The following DNER variants were observed in gnomAD, a reference collection of about 807,000 sequenced individuals.
DNER encodes the protein delta/notch like EGF repeat containing.
In DNER, 33 loss-of-function variants were observed where a neutral mutation model predicts 78.2. That is an observed-to-expected ratio of 0.42 (90% CI 0.32 to 0.56). The LOEUF (loss-of-function observed/expected upper bound fraction) is 0.56. DNER is among the 20% of genes least tolerant of loss of function. The probability of loss-of-function intolerance (pLI) is 0.11; values close to 1 mark genes in which losing one functional copy is unlikely to be tolerated. For synonymous variants in DNER, 417 were observed against 384.8 expected (o/e 1.08, Z -0.98); for missense variants, 918 against 975.3 (o/e 0.94, Z 0.78).
intron 1 of DNER, among the ~76,000 whole-genome samples, chr2:229,666,536 T>C (rs182535212): frequency 1.1e-3 from 173 of 152,322 alleles, no homozygotes; most frequent in African/African-American, 4.0e-3. Context: ...CATGATATAT[T>C]AAGTAGTTTT....
chr2:229,451,241 G>A (rs12621164), intron 7 of DNER, among the ~76,000 whole-genome samples: 38,084 of 152,114 alleles, frequency 0.25, 5,292 homozygotes, highest in East Asian at 0.35. Flanking sequence ...GGCGGATCAC[G>A]AGGTCAGGAG....
At chr2:229,389,138 G>A (rs1026208729) in intron 10 of DNER, among the ~76,000 whole-genome samples, 2 of 151,970 alleles carry the variant, frequency 1.3e-5, no homozygotes, top group African/African-American at 4.8e-5. Flanking sequence ...GGTGGTCCAA[G>A]GGAAGCTGTC....
At chr2:229,664,307 A>C (rs1699055096) in intron 1 of DNER, among the ~76,000 whole-genome samples, 1 of 151,578 alleles carries the variant, frequency 6.6e-6, no homozygotes, top group African/African-American at 2.4e-5. Context: ...GCCATTTTGC[A>C]TCCACCAGTG....
intron 1 of DNER, among the ~76,000 whole-genome samples, chr2:229,627,166 T>A (rs1698359609): frequency 6.6e-6 from 1 of 152,180 alleles, no homozygotes; most frequent in South Asian, 2.1e-4. Flanking sequence ...CAATATCTAG[T>A]GCCAGCCTCA....
At chr2:229,494,354 C>T (rs1001338432) in intron 6 of DNER, among the ~76,000 whole-genome samples, 1 of 152,174 alleles carries the variant, frequency 6.6e-6, no homozygotes, top group African/African-American at 2.4e-5. Context: ...TGAGATCAGA[C>T]AAGTTATATG....
At chr2:229,555,354 C>T (rs539073938) in intron 4 of DNER, among the ~76,000 whole-genome samples, 1 of 152,276 alleles carries the variant, frequency 6.6e-6, no homozygotes, top group African/African-American at 2.4e-5. Context: ...TCCCAGCAGC[C>T]TTTACACATC....
chr2:229,680,483 T>C (rs1699368042), intron 1 of DNER, among the ~76,000 whole-genome samples: 1 of 152,198 alleles, frequency 6.6e-6, no homozygotes, highest in African/African-American at 2.4e-5. Flanking sequence ...CCCAGATGCC[T>C]GTGGAGTCAC....
intron 6 of DNER, among the ~76,000 whole-genome samples, chr2:229,510,097 C>T (rs2154212238): frequency 6.6e-6 from 1 of 152,012 alleles, no homozygotes; most frequent in South Asian, 2.1e-4. Context: ...GAGGGTGGAT[C>T]CTGTGGCAGA....
intron 7 of DNER, among the ~76,000 whole-genome samples, chr2:229,459,937 C>T (rs1229496143): frequency 1.3e-5 from 2 of 151,786 alleles, no homozygotes; most frequent in Non-Finnish European, 2.9e-5. Flanking sequence ...GCGGGTGGAT[C>T]ACAAGGTCAA....
At chr2:229,388,504 T>A in intron 10 of DNER, 108 bp from the exon 11 acceptor site, 1 of 1,310,794 alleles carries the variant, frequency 7.6e-7, no homozygotes, top group Admixed American at 2.9e-5. Flanking sequence ...CCTTTAGCAA[T>A]AGAGCCCAAC....
intron 11 of DNER, among the ~76,000 whole-genome samples, chr2:229,367,810 A>G (rs1458627099): frequency 6.6e-6 from 1 of 152,218 alleles, no homozygotes; most frequent in Non-Finnish European, 1.5e-5. Flanking sequence ...TAACCGTTTC[A>G]TTTACTAATT....
chr2:229,694,941 C>G (rs752496398), intron 1 of DNER, among the ~76,000 whole-genome samples: 39 of 152,218 alleles, frequency 2.6e-4, no homozygotes, highest in Admixed American at 3.9e-4. Context: ...TTGGCTGGGC[C>G]CCCACCCAAA....
At chr2:229,592,059 TC>T (rs1405054585) in intron 1 of DNER, among the ~76,000 whole-genome samples, 171 bp from the exon 2 acceptor site, 4 of 152,084 alleles carry the variant, frequency 2.6e-5, no homozygotes, top group Admixed American at 6.6e-5. Flanking sequence ...ACCAAGGTCA[TC>T]CGAACATTAA....
chr2:229,662,222 C>T lies in DNER; in HGVS notation c.276+51926G>A, dbSNP rs547815854. Among the ~76,000 whole-genome samples the T allele has an allele frequency of 2.0e-5, 3 of 152,276 alleles. No individual in the cohort carries two copies. In the South Asian group the frequency reaches 6.2e-4, roughly 32 times the overall value. On this transcript the variant is annotated intron_variant, in intron 1 of 12. Transcript: ENST00000341772. ...TGGGACAGAACTTTCAGAGTCAGCA[C>T]AGCAAAGGCATCCAAGGCCACTTCA...
chr2:229,510,224 T>C (rs1197188715), intron 6 of DNER, among the ~76,000 whole-genome samples: 1 of 152,192 alleles, frequency 6.6e-6, no homozygotes, highest in Non-Finnish European at 1.5e-5. Context: ...TGGTGCAGAA[T>C]GAGGCCAAGG....
intron 1 of DNER, among the ~76,000 whole-genome samples, chr2:229,694,234 C>T (rs1174679533): frequency 6.6e-6 from 1 of 152,222 alleles, no homozygotes; most frequent in Non-Finnish European, 1.5e-5. Flanking sequence ...CATGGAAACG[C>T]CTGGATGTCC....
At chr2:229,523,125 G>T (rs1574884111) in intron 5 of DNER, among the ~76,000 whole-genome samples, 1 of 152,294 alleles carries the variant, frequency 6.6e-6, no homozygotes, top group East Asian at 1.9e-4. Flanking sequence ...TGGGAAGGGG[G>T]TGACCCCCTA....
intron 5 of DNER, among the ~76,000 whole-genome samples, chr2:229,543,593 A>T (rs1442472091): frequency 6.6e-6 from 1 of 152,108 alleles, no homozygotes; most frequent in Non-Finnish European, 1.5e-5. Context: ...CAGACCTCAA[A>T]ATTATTCACT....
intron 6 of DNER, among the ~76,000 whole-genome samples, chr2:229,477,830 C>G (rs529149320): frequency 1.3e-5 from 2 of 152,246 alleles, no homozygotes; most frequent in Admixed American, 1.3e-4. Context: ...TTATTTATAC[C>G]TACTTAATTC....
Sources: gnomAD v4.1 joint callset for allele counts (sites outside exome capture counted in the v4.1 genomes callset) on GRCh38, gnomAD v4.1.1 for gene constraint, MANE v1.5 for transcripts, NCBI Gene and HGNC (gene_info 2026-07-23, HGNC 2026-07-21) for gene names.